Variants in ARHGAP10 observed in about 807,000 individuals in gnomAD.
The protein encoded by ARHGAP10 is Rho GTPase activating protein 10.
Under a neutral mutation model 108.6 loss-of-function variants are expected in ARHGAP10, and 87 were observed. The ratio of observed to expected loss-of-function variants is 0.80; its 90% CI spans 0.67 to 0.96. The LOEUF (loss-of-function observed/expected upper bound fraction) is 0.96. Among genes scored for constraint, ARHGAP10 ranks in the 40% least tolerant of loss-of-function variants. The pLI is 0.00. For missense variants in ARHGAP10, 939 were observed against 954.5 expected, an observed-to-expected ratio of 0.98 and a Z score of 0.21; for synonymous variants, 347 against 341.1, an observed-to-expected ratio of 1.02 and a Z score of -0.19.
chr4:147,737,003 C>T (rs886590326), intron 1 of ARHGAP10, among the ~76,000 whole-genome samples: 34 of 152,112 alleles, frequency 2.2e-4, no homozygotes, highest in African/African-American at 7.0e-4. Flanking sequence ...TGGCATAGCG[C>T]GCTAACTGAA....
At chr4:147,839,487 A>G (rs943824805) in intron 3 of ARHGAP10, among the ~76,000 whole-genome samples, 4 of 152,212 alleles carry the variant, frequency 2.6e-5, no homozygotes, top group Non-Finnish European at 5.9e-5. Flanking sequence ...AGTGATTAGA[A>G]AGGCATGATT....
intron 1 of ARHGAP10, among the ~76,000 whole-genome samples, chr4:147,818,588 T>A (rs960714683): frequency 6.7e-6 from 1 of 148,414 alleles, no homozygotes; most frequent in African/African-American, 2.5e-5. Flanking sequence ...AAAAAAAAGT[T>A]AGTTTGTTAG....
intron 10 of ARHGAP10, among the ~76,000 whole-genome samples, chr4:147,899,844 T>C (rs1308861622): frequency 6.7e-6 from 1 of 150,306 alleles, no homozygotes; most frequent in Non-Finnish European, 1.5e-5. Context: ...CTTCTCATAA[T>C]AAAATGTAGG....
chr4:147,943,584 A>G (rs1738249777), intron 14 of ARHGAP10, among the ~76,000 whole-genome samples: 1 of 152,232 alleles, frequency 6.6e-6, no homozygotes, highest in Admixed American at 6.5e-5. Flanking sequence ...TGGTTACGTA[A>G]GCGTGAAACA....
intron 1 of ARHGAP10, among the ~76,000 whole-genome samples, chr4:147,770,801 G>A (rs1361072312): frequency 1.3e-5 from 2 of 152,164 alleles, no homozygotes; most frequent in Non-Finnish European, 2.9e-5. Context: ...GATTCTGCTA[G>A]GACAGCCATA....
chr4:147,796,493 G>T (rs1731322077), intron 1 of ARHGAP10, among the ~76,000 whole-genome samples: 1 of 151,774 alleles, frequency 6.6e-6, no homozygotes, highest in African/African-American at 2.4e-5. Flanking sequence ...CCCAAATACT[G>T]GTTCATCTCT....
intron 1 of ARHGAP10, among the ~76,000 whole-genome samples, chr4:147,743,136 C>T (rs1019963708): frequency 6.6e-5 from 10 of 151,398 alleles, no homozygotes; most frequent in East Asian, 3.9e-4. Context: ...TGGGTTCAAG[C>T]GATTCTCCTG....
intron 13 of ARHGAP10, chr4:147,916,783 C>T (rs1455611120): frequency 1.3e-5 from 2 of 152,226 alleles, no homozygotes; most frequent in African/African-American, 4.8e-5. Context: ...AGGGTAAAGG[C>T]ACAGTGTACT....
rs745973953 is a variant in ARHGAP10 at position 147,913,046 on chromosome 4, A to C, written c.1163-28A>C. On this transcript the variant is annotated intron_variant, in intron 12 of 22. Coordinates refer to ENST00000336498, the MANE Select transcript of ARHGAP10 (RefSeq NM_024605.4). ...GAAATGTGATAAATAATAATTGTAC[A>C]CTTAATGTTTTAAACTGTTTCTTGT... 4.4e-6 allele frequency: 7 copies of C among 1,581,454 alleles called. No individual in the cohort carries two copies. In the African/African-American group the frequency reaches 8.1e-5, roughly 18 times the overall value.
At chr4:148,022,897 C>T (rs2149663391) in intron 18 of ARHGAP10, among the ~76,000 whole-genome samples, 1 of 152,280 alleles carries the variant, frequency 6.6e-6, no homozygotes. Context: ...TATAACCTTC[C>T]ATAAAATTTA....
chr4:147,996,366 AG>A (rs1333417150), intron 18 of ARHGAP10, among the ~76,000 whole-genome samples: 1 of 152,170 alleles, frequency 6.6e-6, no homozygotes, highest in East Asian at 1.9e-4. Context: ...CCTGAGATAG[AG>A]GGGGATGTTT....
At chr4:148,000,615 C>T (rs1192505098) in intron 18 of ARHGAP10, among the ~76,000 whole-genome samples, 1 of 152,160 alleles carries the variant, frequency 6.6e-6, no homozygotes, top group Non-Finnish European at 1.5e-5. Flanking sequence ...TAATGATTGC[C>T]ATTCTAACTG....
At chr4:148,046,509 A>G (rs1728891453) in intron 19 of ARHGAP10, among the ~76,000 whole-genome samples, 1 of 152,222 alleles carries the variant, frequency 6.6e-6, no homozygotes, top group South Asian at 2.1e-4. Context: ...AAGAACCAAT[A>G]GGTGACCAGA....
At chr4:147,999,899 G>A (rs1740627757) in intron 18 of ARHGAP10, among the ~76,000 whole-genome samples, 1 of 151,538 alleles carries the variant, frequency 6.6e-6, no homozygotes, top group African/African-American at 2.4e-5. Context: ...AGAAAATACA[G>A]TGGGAAAAAT....
intron 19 of ARHGAP10, among the ~76,000 whole-genome samples, chr4:148,026,239 CG>C (rs1455958789): frequency 2.6e-5 from 4 of 152,046 alleles, no homozygotes; most frequent in Non-Finnish European, 5.9e-5. Flanking sequence ...GGAACACACT[CG>C]GAATTGGTTT....
At chr4:147,775,863 A>G (rs1361407582) in intron 1 of ARHGAP10, among the ~76,000 whole-genome samples, 5 of 152,144 alleles carry the variant, frequency 3.3e-5, no homozygotes, top group Non-Finnish European at 7.3e-5. Flanking sequence ...CTTACTATAT[A>G]CCAGATATTG....
intron 18 of ARHGAP10, among the ~76,000 whole-genome samples, chr4:147,986,317 A>G (rs1467394251): frequency 6.6e-6 from 1 of 152,222 alleles, no homozygotes; most frequent in African/African-American, 2.4e-5. Flanking sequence ...GCTCGAGGTT[A>G]TAGAACTAAA....
chr4:147,810,952 C>A (rs969896202), intron 1 of ARHGAP10, among the ~76,000 whole-genome samples: 1 of 152,198 alleles, frequency 6.6e-6, no homozygotes, highest in Non-Finnish European at 1.5e-5. Context: ...ATATCCCTGA[C>A]CTCAGAGTTT....
At chr4:147,808,126 C>T (rs1731861207) in intron 1 of ARHGAP10, among the ~76,000 whole-genome samples, 1 of 152,102 alleles carries the variant, frequency 6.6e-6, no homozygotes, top group Admixed American at 6.6e-5. Context: ...ACACATCCTG[C>T]CACTGTGTGC....
Sources: gnomAD v4.1 joint callset for allele counts (sites outside exome capture counted in the v4.1 genomes callset) on GRCh38, gnomAD v4.1.1 for gene constraint, MANE v1.5 for transcripts, NCBI Gene and HGNC (gene_info 2026-07-23, HGNC 2026-07-21) for gene names.